Variants in SLC16A12 observed in about 807,000 individuals in gnomAD.
The protein encoded by SLC16A12 is monocarboxylate transporter 12.
In SLC16A12, 17 loss-of-function variants were observed where a neutral mutation model predicts 42.4. That is an observed-to-expected ratio of 0.40 (90% CI 0.27 to 0.60). SLC16A12 has a LOEUF of 0.60. Ranked by LOEUF, SLC16A12 falls within the 20% of genes least tolerant of loss-of-function variation. The probability of loss-of-function intolerance (pLI) is 0.42; values close to 1 mark genes in which losing one functional copy is unlikely to be tolerated. For missense variants in SLC16A12, 544 were observed against 623.0 expected, an observed-to-expected ratio of 0.87 and a Z score of 1.35; for synonymous variants, 224 against 229.4, an observed-to-expected ratio of 0.98 and a Z score of 0.21.
intron 3 of SLC16A12, among the ~76,000 whole-genome samples, chr10:89,460,114 A>G (rs570788831): frequency 6.6e-5 from 10 of 152,300 alleles, no homozygotes; most frequent in African/African-American, 2.2e-4. Context: ...GTGCAACTTC[A>G]TCATGAAGAC....
chr10:89,505,715 C>T (rs1843049936), intron 2 of SLC16A12, among the ~76,000 whole-genome samples: 1 of 152,196 alleles, frequency 6.6e-6, no homozygotes. Context: ...ACAGTACACT[C>T]CTCCCCAGAT....
chr10:89,515,571 T>C (rs1302738579), intron 2 of SLC16A12, among the ~76,000 whole-genome samples: 2 of 152,196 alleles, frequency 1.3e-5, no homozygotes, highest in African/African-American at 2.4e-5. Flanking sequence ...AGATGCTTCT[T>C]ATCCCCGTTT....
At chr10:89,469,052 C>A (rs1842452128) in intron 2 of SLC16A12, among the ~76,000 whole-genome samples, 1 of 152,064 alleles carries the variant, frequency 6.6e-6, no homozygotes, top group Non-Finnish European at 1.5e-5. Flanking sequence ...TCACTTGAAC[C>A]CAGAAGACAG....
At chr10:89,537,060 A>T (rs1843672827), upstream of SLC16A12, among the ~76,000 whole-genome samples, 1 of 151,660 alleles carries the variant, frequency 6.6e-6, no homozygotes, top group African/African-American at 2.4e-5. Context: ...GCTGATCTCG[A>T]ACTCCTGACC....
intron 3 of SLC16A12, among the ~76,000 whole-genome samples, chr10:89,457,754 T>C (rs1053097195): frequency 6.6e-6 from 1 of 152,242 alleles, no homozygotes; most frequent in African/African-American, 2.4e-5. Context: ...CTTTATTCCA[T>C]CCTGCTTTAG....
intron 3 of SLC16A12, among the ~76,000 whole-genome samples, chr10:89,460,766 A>AAAAAAAC: frequency 6.6e-6 from 1 of 151,568 alleles, no homozygotes; most frequent in African/African-American, 2.4e-5. Context: ...AAAAAAAAAA[A>AAAAAAAC]AATCACACTT....
At chr10:89,527,639 C>CAAA (rs144252240) in intron 2 of SLC16A12, among the ~76,000 whole-genome samples, 34 of 143,786 alleles carry the variant, frequency 2.4e-4, no homozygotes, top group African/African-American at 7.9e-4. Context: ...TCCATTTCTA[C>CAAA]AAAAAAAAAA....
chr10:89,468,000 C>CA (rs1842431813), intron 2 of SLC16A12: 1 of 152,188 alleles, frequency 6.6e-6, no homozygotes, highest in African/African-American at 2.4e-5. Context: ...CTGCTAAACT[C>CA]ACGATTCCCT....
rs145737363 is a variant in SLC16A12, at chr10:89,445,863, C to T, written c.201-2004G>A. ...CAAGGAAGCTAAAAACCTTGAAAAA[C>T]GATTAGAGGAATGGCTAATTAGAAT... On this transcript the variant is annotated intron_variant, in intron 3 of 7. Coordinates refer to ENST00000371790, the MANE Select transcript of SLC16A12 (RefSeq NM_213606.4). Among the ~76,000 whole-genome samples the T allele has an allele frequency of 6.2e-4, 94 of 152,078 alleles. 1 individual carries two copies. The highest frequency in any genetic ancestry group is 1.2e-3 in the Admixed American group (18 of 15,258).
intron 2 of SLC16A12, among the ~76,000 whole-genome samples, chr10:89,493,326 G>A (rs7101353): frequency 0.032 from 4,871 of 151,430 alleles, 252 homozygotes; most frequent in African/African-American, 0.11. Context: ...GGGTGTTAGC[G>A]ATTCTCATGC....
At chr10:89,540,890 A>T (rs1185297288) in intron 2 of SLC16A12, among the ~76,000 whole-genome samples, 1 of 151,924 alleles carries the variant, frequency 6.6e-6, no homozygotes, top group African/African-American at 2.4e-5. Context: ...ACCACTTCTT[A>T]CCAAGACAAA....
rs141623447 is a variant in SLC16A12 at position 89,476,066 on chromosome 10, G to T, written c.-46-13442C>A. On this transcript the variant is annotated intron_variant, in intron 2 of 7. Transcript: ENST00000371790. ...TGGGTGTAGTGTCTGGCATAAAGTC[G>T]GTGCTCAATACTTGTGTAGTTCCAT... 3.1e-3 allele frequency among the ~76,000 whole-genome samples: 479 copies of T among 152,218 alleles called. 4 individuals carry two copies. Among genetic ancestry groups the T allele is most frequent in the African/African-American group, 0.011 (452 of 41,528 alleles).
At chr10:89,443,071 C>T (rs1254107750) in intron 4 of SLC16A12, among the ~76,000 whole-genome samples, 1 of 152,174 alleles carries the variant, frequency 6.6e-6, no homozygotes, top group Non-Finnish European at 1.5e-5. Flanking sequence ...TCCTCTACTA[C>T]ACAGATGGAA....
chr10:89,433,299 T>C lies in SLC16A12; in HGVS notation c.1316A>G (p.Tyr439Cys). The change falls in exon 8 of 8, where the codon TAC becomes TGC. Residue 439 changes from tyrosine to cysteine, a missense_variant. Transcript: ENST00000371790. ...TCCACAGAGGAGGAATGCTGCAGTGTAGCTGCCGGTGGTATCTACCAGCCG... is the reference window on the plus strand; with the variant it reads ...TCCACAGAGGAGGAATGCTGCAGTGCAGCTGCCGGTGGTATCTACCAGCCG... Reference protein sequence around the residue: ...AGRLVDTTGSYTAAFLLCGFS... With the variant: ...AGRLVDTTGSCTAAFLLCGFS... 6.2e-7 allele frequency: 1 copy of C among 1,614,086 alleles called. No homozygotes were observed. Among genetic ancestry groups the C allele is most frequent in the Non-Finnish European group, 8.5e-7 (1 of 1,180,018 alleles).
In SLC16A12 at chr10:89,430,914, G is replaced by C. The variant is rs1841684595; in HGVS notation, c.*2150C>G. The C allele has an allele frequency of 3.3e-5, 11 of 335,154 alleles. No homozygotes were observed. Among genetic ancestry groups the C allele is most frequent in the South Asian group, 2.7e-4 (11 of 41,184 alleles). 20.8% of individuals were successfully genotyped at this position (335,154 alleles called of 1,614,324 possible). On this transcript the variant is annotated 3_prime_UTR_variant, in exon 8 of 8. Coordinates refer to ENST00000371790, the MANE Select transcript of SLC16A12 (RefSeq NM_213606.4). The stretch of plus-strand genomic sequence containing the variant: ...CATATTTTTAAACATCTTTAGGCTT[G>C]AAAATTCAAGAAATGATATTTAGGG...
rs1426450266 is a variant in SLC16A12, at chr10:89,431,573, C to T, written c.*1491G>A. On this transcript the variant is annotated 3_prime_UTR_variant, in exon 8 of 8. Coordinates refer to ENST00000371790, the MANE Select transcript of SLC16A12 (RefSeq NM_213606.4). ...CATTGCTGTTTTTTTTCCCCCAGCA[C>T]TTGTGAGGCCTTGTAGGGGACAGTG... The T allele has an allele frequency of 6.6e-6, 1 of 152,176 alleles. No homozygotes were observed. The allele number at this position is 152,176 out of a possible 1,614,324, so 9.4% of individuals were successfully genotyped here. A position where few individuals can be genotyped will look rare whatever the true frequency, so the allele number is the denominator to read the frequency against.
Position 89,439,147 on chromosome 10 carries a change from G to A in SLC16A12, c.485C>T (p.Ala162Val), listed in dbSNP as rs1455857583. ...TCTGCTGAAGTACTTGCCAACCATG[G>A]CAATAGCTGGAGAGTAACAAAGTGC... Reference protein sequence around the residue: ...GFALCYSPAIAMVGKYFSRRK... With the variant: ...GFALCYSPAIVMVGKYFSRRK... Residue 162 changes from alanine to valine, a missense_variant, in exon 6 of 8, where the codon GCC becomes GTC. By Grantham distance (64) the Ala-to-Val change is moderately conservative (BLOSUM62 0). Coordinates refer to ENST00000371790, the MANE Select transcript of SLC16A12 (RefSeq NM_213606.4). The A allele has an allele frequency of 1.9e-6, 3 of 1,614,114 alleles. No individual in the cohort carries two copies. Among genetic ancestry groups the A allele is most frequent in the African/African-American group, 1.3e-5 (1 of 75,048 alleles).
intron 2 of SLC16A12, among the ~76,000 whole-genome samples, chr10:89,479,379 A>G (rs893178895): frequency 4.6e-5 from 7 of 152,088 alleles, no homozygotes; most frequent in African/African-American, 1.7e-4. Context: ...TGCTATAAGT[A>G]AAATAGGGGA....
chr10:89,438,570 G>T, intron 6 of SLC16A12, 34 bp downstream of exon 6: 3 of 1,589,926 alleles, frequency 1.9e-6, no homozygotes, highest in Non-Finnish European at 2.6e-6. Context: ...AAAGTCCCCT[G>T]GTGGGGAACC....
Sources: gnomAD v4.1 joint callset for allele counts (sites outside exome capture counted in the v4.1 genomes callset) on GRCh38, gnomAD v4.1.1 for gene constraint, MANE v1.5 for transcripts, NCBI Gene and HGNC (gene_info 2026-07-23, HGNC 2026-07-21) for gene names.